CALCOCO2: variants seen among roughly 807,000 people sequenced by gnomAD.
CALCOCO2 encodes the protein calcium binding and coiled-coil domain 2.
A neutral mutation model predicts 62.5 loss-of-function variants in CALCOCO2; 42 were observed. The ratio of observed to expected loss-of-function variants is 0.67; its 90% CI spans 0.53 to 0.87. The LOEUF (loss-of-function observed/expected upper bound fraction) is 0.87. Ranked by LOEUF, CALCOCO2 falls within the 40% of genes least tolerant of loss-of-function variation. The pLI is 0.00. For synonymous variants in CALCOCO2, 167 were observed against 173.0 expected, an observed-to-expected ratio of 0.97 and a Z score of 0.27; for missense variants, 456 against 515.0, an observed-to-expected ratio of 0.89 and a Z score of 1.11.
intron 9 of CALCOCO2, 85 bp downstream of exon 9, chr17:48,853,097 G>A (rs2040158094): frequency 1.1e-6 from 1 of 883,260 alleles, no homozygotes; most frequent in Admixed American, 1.9e-5. Flanking sequence ...CCGGTTGATG[G>A]ACAGGATAAA....
intron 1 of CALCOCO2, among the ~76,000 whole-genome samples, chr17:48,835,168 AT>A (rs1415900447): frequency 1.3e-5 from 2 of 152,202 alleles, no homozygotes; most frequent in Non-Finnish European, 2.9e-5. Context: ...TCTCCCAGGA[AT>A]TTTATCACTG....
In CALCOCO2 at chr17:48,863,056, AG is replaced by A. The variant is rs763598403; in HGVS notation, c.*52del. 16 of 1,321,866 alleles carry A rather than the reference AG, an allele frequency of 1.2e-5. No individual in the cohort carries two copies. The Admixed American group carries it at 1.8e-4, about 15-fold the overall frequency. 81.9% of individuals were successfully genotyped at this position (1,321,866 alleles called of 1,614,324 possible). On this transcript the variant is annotated 3_prime_UTR_variant, in exon 13 of 13. Coordinates refer to ENST00000258947, the MANE Select transcript of CALCOCO2 (RefSeq NM_005831.5). ...AGAGATTTTATAGAATAGAACCTATAGCTTCTACCATGAGTTATATGAGTCA... is the reference window on the plus strand; with the variant it reads ...AGAGATTTTATAGAATAGAACCTATACTTCTACCATGAGTTATATGAGTCA...
intron 12 of CALCOCO2, 64 bp from the exon 13 acceptor site, chr17:48,862,774 G>C (rs1397680082): frequency 2.2e-6 from 3 of 1,357,598 alleles, no homozygotes; most frequent in Admixed American, 1.7e-5. Context: ...GTGGAAGACA[G>C]GATGGCCACA....
Position 48,841,791 on chromosome 17 carries a change from G to A in CALCOCO2, c.84G>A (p.Val28=). 1.2e-6 allele frequency: 2 copies of A among 1,613,356 alleles called. No homozygotes were observed. Among genetic ancestry groups the A allele is most frequent in the South Asian group, 2.2e-5 (2 of 91,044 alleles). The change falls in exon 2 of 13, where the codon GTG becomes GTA. Residue 28 remains valine (V), a synonymous_variant. Transcript: ENST00000258947. ...TCTCTCAGGTCATCTTTAACAGTGT[G>A]GAGAAGTTCTACATCCCTGGAGGGG... is the stretch of plus-strand genomic sequence containing the variant. ...CHFSQVIFNS[V]EKFYIPGGDV...
At chr17:48,846,853 T>G (rs1239869514) in intron 2 of CALCOCO2, among the ~76,000 whole-genome samples, 1 of 152,186 alleles carries the variant, frequency 6.6e-6, no homozygotes, top group Non-Finnish European at 1.5e-5. Context: ...TAAATGTAAT[T>G]TTGCTTCTCA....
chr17:48,834,106 C>CAAAA (rs59633969), intron 1 of CALCOCO2, among the ~76,000 whole-genome samples: 18 of 69,788 alleles, frequency 2.6e-4, no homozygotes, highest in East Asian at 5.3e-4. Flanking sequence ...GACCCTATGT[C>CAAAA]AAAAAAAAAA....
chr17:48,850,050 C>T (rs1567755083), intron 5 of CALCOCO2, among the ~76,000 whole-genome samples: 1 of 151,792 alleles, frequency 6.6e-6, no homozygotes, highest in Non-Finnish European at 1.5e-5. Flanking sequence ...CCTGTAATCT[C>T]AGCACTTTGG....
chr17:48,860,413 C>T lies in CALCOCO2; in HGVS notation c.1108C>T (p.Gln370Ter). 6.2e-7 allele frequency: 1 copy of T among 1,614,030 alleles called. No individual in the cohort carries two copies. Among genetic ancestry groups the T allele is most frequent in the East Asian group, 2.2e-5 (1 of 44,884 alleles). Reference protein sequence around the residue: ...VPTSDEGGARQNPGLAYGNPY... With the variant: ...VPTSDEGGAR ...TACTTCAGATGAAGGAGGCGCAAGA[C>T]AAAATCCAGGACTTGCCTATGGAAA... is the stretch of plus-strand genomic sequence containing the variant. Residue 370 changes from glutamine to a stop codon, truncating the protein, a stop_gained, in exon 11 of 13, where the codon CAA (glutamine) becomes TAA (stop). Coordinates refer to ENST00000258947, the MANE Select transcript of CALCOCO2 (RefSeq NM_005831.5). LOFTEE classifies it high-confidence loss of function.
chr17:48,857,979 G>GAATAC, intron 10 of CALCOCO2, among the ~76,000 whole-genome samples: 1 of 18,818 alleles, frequency 5.3e-5, no homozygotes, highest in Non-Finnish European at 1.2e-4. Context: ...TACATCAATA[G>GAATAC]AATAGAATAG....
intron 1 of CALCOCO2, among the ~76,000 whole-genome samples, chr17:48,837,594 T>C (rs1297973482): frequency 6.6e-6 from 1 of 151,704 alleles, no homozygotes; most frequent in Non-Finnish European, 1.5e-5. Flanking sequence ...TGCAGTGAGC[T>C]GAGATACCGC....
intron 2 of CALCOCO2, chr17:48,846,098 T>C: frequency 7.5e-7 from 1 of 1,333,596 alleles, no homozygotes; most frequent in African/African-American, 1.5e-5. Flanking sequence ...TGGCACCAGG[T>C]AGGTACTCAG....
rs965297773 is a variant in CALCOCO2, at chr17:48,846,120, A to T, written c.181-1944A>T. 4.6e-5 allele frequency: 50 copies of T among 1,088,754 alleles called. No homozygotes were observed. The African/African-American group carries it at 7.6e-4, about 17-fold the overall frequency. 67.4% of individuals were successfully genotyped at this position (1,088,754 alleles called of 1,614,324 possible). ...AGGTAGGTACTCAGTAACTCTTTTT[A>T]TTTTTTATTTATTTTTTAAAATTTA... On this transcript the variant is annotated intron_variant, in intron 2 of 12. Coordinates refer to ENST00000258947, the MANE Select transcript of CALCOCO2 (RefSeq NM_005831.5).
chr17:48,843,687 G>A (rs1194298690), intron 2 of CALCOCO2, among the ~76,000 whole-genome samples: 3 of 152,200 alleles, frequency 2.0e-5, no homozygotes, highest in Non-Finnish European at 4.4e-5. Flanking sequence ...ACCCACCAGA[G>A]TGTTTTCTGT....
intron 11 of CALCOCO2, 64 bp from the exon 12 acceptor site, chr17:48,862,212 A>T (rs2040339462): frequency 3.8e-6 from 4 of 1,040,488 alleles, no homozygotes; most frequent in Non-Finnish European, 6.1e-6. Context: ...ATCTGCCAGA[A>T]CACAGTTGGA....
chr17:48,851,831 A>G (rs1050577864), intron 7 of CALCOCO2: 2 of 483,286 alleles, frequency 4.1e-6, no homozygotes, highest in Non-Finnish European at 7.4e-6. Context: ...CTTTTAAAAA[A>G]AAAAAAATCA....
Position 48,863,034 on chromosome 17 carries a change from G to A in CALCOCO2, c.*29G>A. The stretch of plus-strand genomic sequence containing the variant: ...TCCCAACCTCTTGGATGTATACAGA[G>A]ATTTTATAGAATAGAACCTATAGCT... On this transcript the variant is annotated 3_prime_UTR_variant, in exon 13 of 13. Transcript: ENST00000258947. 1 of 1,515,918 alleles carries A rather than the reference G, an allele frequency of 6.6e-7. No homozygotes were observed. Among genetic ancestry groups the A allele is most frequent in the Non-Finnish European group, 9.2e-7 (1 of 1,090,844 alleles). The allele number at this position is 1,515,918 out of a possible 1,614,324, so 93.9% of individuals were successfully genotyped here. A position where few individuals can be genotyped will look rare whatever the true frequency, so the allele number is the denominator to read the frequency against.
intron 12 of CALCOCO2, among the ~76,000 whole-genome samples, chr17:48,862,591 T>A (rs545249756): frequency 1.3e-5 from 2 of 152,352 alleles, no homozygotes; most frequent in South Asian, 4.1e-4. Context: ...TTCTGTCCAA[T>A]GCCCCTTCAA....
At chr17:48,858,896 G>A (rs971285504) in intron 10 of CALCOCO2, among the ~76,000 whole-genome samples, 1 of 151,350 alleles carries the variant, frequency 6.6e-6, no homozygotes, top group African/African-American at 2.4e-5. Flanking sequence ...ATACAAAAAA[G>A]TAGCCAGGTG....
chr17:48,855,192 T>C (rs2040196813), intron 9 of CALCOCO2, among the ~76,000 whole-genome samples: 1 of 152,182 alleles, frequency 6.6e-6, no homozygotes, highest in South Asian at 2.1e-4. Context: ...GCCACAGGTC[T>C]CAGGGAAGGT....
Sources: gnomAD v4.1 joint callset for allele counts (sites outside exome capture counted in the v4.1 genomes callset) on GRCh38, gnomAD v4.1.1 for gene constraint, MANE v1.5 for transcripts, NCBI Gene and HGNC (gene_info 2026-07-23, HGNC 2026-07-21) for gene names.